The following MYOCOS variants were observed in gnomAD, a reference collection of about 807,000 sequenced individuals.
The protein encoded by MYOCOS is myocilin opposite strand.
intron 1 of MYOCOS, among the ~76,000 whole-genome samples, chr1:171,609,273 T>C (rs1347210797): frequency 6.6e-6 from 1 of 152,248 alleles, no homozygotes; most frequent in Admixed American, 6.5e-5. Flanking sequence ...ACAAATAACC[T>C]GGGAGCCAAA....
At chr1:171,618,559 T>TTTTG (rs138926013), upstream of MYOCOS, among the ~76,000 whole-genome samples, 41,923 of 150,656 alleles carry the variant, frequency 0.28, 6,077 homozygotes, top group African/African-American at 0.38. Context: ...ACTATCTCCT[T>TTTTG]TTTGTTTGTT....
chr1:171,610,622 T>G (rs1652337124), intron 1 of MYOCOS, among the ~76,000 whole-genome samples: 3 of 152,190 alleles, frequency 2.0e-5, no homozygotes, highest in Admixed American at 6.5e-5. Context: ...ACTCTTGCGA[T>G]AAGTAACCCA....
intron 2 of MYOCOS, among the ~76,000 whole-genome samples, chr1:171,624,396 A>G (rs1572206728): frequency 6.6e-6 from 1 of 151,972 alleles, no homozygotes; most frequent in East Asian, 1.9e-4. Context: ...CAGCCTCCCA[A>G]GTAGCTGGGA....
At chr1:171,611,207 T>A (rs559849847) in intron 1 of MYOCOS, among the ~76,000 whole-genome samples, 43 of 152,330 alleles carry the variant, frequency 2.8e-4, no homozygotes, top group African/African-American at 1.0e-3. Context: ...TTGAGGGTTT[T>A]CTTTTTTTCT....
chr1:171,614,837 T>C (rs1178098632), exon 2 of MYOCOS: 1 of 152,234 alleles, frequency 6.6e-6, no homozygotes, highest in Non-Finnish European at 1.5e-5. Flanking sequence ...CAGACAACAC[T>C]GAGCAAAGAC....
intron 1 of MYOCOS, among the ~76,000 whole-genome samples, chr1:171,608,222 T>G (rs1046369612): frequency 2.0e-5 from 3 of 151,988 alleles, no homozygotes; most frequent in African/African-American, 7.3e-5. Flanking sequence ...GCAAAAGAGA[T>G]GTGCACAGAA....
chr1:171,621,741 TGGGA>T (rs1572205995), upstream of MYOCOS, among the ~76,000 whole-genome samples: 1 of 151,968 alleles, frequency 6.6e-6, no homozygotes, highest in Non-Finnish European at 1.5e-5. Flanking sequence ...CTCAGCCTGG[TGGGA>T]GGATCACTTG....
At chr1:171,621,322 C>G (rs1652563724), upstream of MYOCOS, among the ~76,000 whole-genome samples, 1 of 151,350 alleles carries the variant, frequency 6.6e-6, no homozygotes, top group Non-Finnish European at 1.5e-5. Flanking sequence ...TGTTTTTAAT[C>G]CCAGCTTCAT....
At chr1:171,605,165 G>A (rs591286) in intron 1 of MYOCOS, among the ~76,000 whole-genome samples, 34,844 of 151,554 alleles carry the variant, frequency 0.23, 4,886 homozygotes, top group African/African-American at 0.4. Context: ...AGAAACTGTA[G>A]TAAGAGATCA....
At chr1:171,616,602 G>A (rs1385761628) in intron 2 of MYOCOS, among the ~76,000 whole-genome samples, 3 of 152,118 alleles carry the variant, frequency 2.0e-5, no homozygotes, top group Non-Finnish European at 4.4e-5. Context: ...GCTGGAACAG[G>A]TTTGAAGGAG....
chr1:171,620,769 C>CTTTTTTTTTTTTTT (rs201016150), upstream of MYOCOS, among the ~76,000 whole-genome samples: 1 of 108,184 alleles, frequency 9.2e-6, no homozygotes, highest in African/African-American at 3.7e-5. Context: ...CTTTCTTTTT[C>CTTTTTTTTTTTTTT]TTTCTTTTTT....
chr1:171,610,730 T>C (rs1035449358), intron 1 of MYOCOS, among the ~76,000 whole-genome samples: 3 of 152,238 alleles, frequency 2.0e-5, no homozygotes, highest in Non-Finnish European at 4.4e-5. Context: ...TTCCAATGCA[T>C]GAATTCTGTG....
chr1:171,610,809 CTAA>C (rs1652339229), intron 1 of MYOCOS, among the ~76,000 whole-genome samples: 1 of 152,226 alleles, frequency 6.6e-6, no homozygotes, highest in Admixed American at 6.5e-5. Flanking sequence ...GTACCTTGGT[CTAA>C]TGAGATATTA....
At chr1:171,606,314 T>C (rs1248347832) in intron 1 of MYOCOS, among the ~76,000 whole-genome samples, 1 of 152,072 alleles carries the variant, frequency 6.6e-6, no homozygotes, top group Non-Finnish European at 1.5e-5. Flanking sequence ...AAGTGAGAAC[T>C]CCCACTAATA....
intron 1 of MYOCOS, among the ~76,000 whole-genome samples, chr1:171,603,300 T>C (rs1572200644): frequency 1.3e-5 from 2 of 152,362 alleles, no homozygotes; most frequent in East Asian, 3.9e-4. Flanking sequence ...GGTATTCTGG[T>C]GGACCTTTAC....
chr1:171,624,293 C>T (rs1033148075), intron 2 of MYOCOS, among the ~76,000 whole-genome samples: 18 of 151,978 alleles, frequency 1.2e-4, no homozygotes, highest in African/African-American at 2.9e-4. Context: ...GACAGGGTCT[C>T]GCTCTGTCAC....
In MYOCOS at chr1:171,626,496, G is replaced by A. The variant is rs1355476075; in HGVS notation, c.138G>A (p.Met46Ile). ...ITQKSDEAKEMLSHLDLEQAP... is the reference protein window; with the variant it reads ...ITQKSDEAKEILSHLDLEQAP... The stretch of plus-strand genomic sequence containing the variant: ...AGAAAAGTGATGAAGCTAAGGAGAT[G>A]CTCTCCCACTTGGATTTGGAGCAAG... Residue 46 changes from methionine (M) to isoleucine (I), a missense_variant, in exon 3 of 3, where the codon ATG becomes ATA. Coordinates refer to ENST00000637642, the MANE Select transcript of MYOCOS (RefSeq NM_001391940.1). The A allele has an allele frequency of 1.0e-5, 4 of 398,534 alleles. No individual in the cohort carries two copies. The highest frequency in any genetic ancestry group is 1.2e-3 in the Middle Eastern group (2 of 1,612). The allele number at this position is 398,534 out of a possible 1,614,324, so 24.7% of individuals were successfully genotyped here.
At chr1:171,626,356 A>T (rs2102941407) in intron 2 of MYOCOS, 98 bp from the exon 3 acceptor site, 2 of 394,044 alleles carry the variant, frequency 5.1e-6, no homozygotes, top group East Asian at 3.6e-5. Flanking sequence ...TGCTGGGATT[A>T]CAGGCATGAA....
At chr1:171,626,373 T>G in intron 2 of MYOCOS, 81 bp from the exon 3 acceptor site, 1 of 396,210 alleles carries the variant, frequency 2.5e-6, no homozygotes, top group Non-Finnish European at 4.4e-6. Flanking sequence ...TGAACCACCA[T>G]GCCCAGTCTG....
Sources: gnomAD v4.1 joint callset for allele counts (sites outside exome capture counted in the v4.1 genomes callset) on GRCh38, gnomAD v4.1.1 for gene constraint, MANE v1.5 for transcripts, NCBI Gene and HGNC (gene_info 2026-07-23, HGNC 2026-07-21) for gene names.